MTHFD1L: variants seen among roughly 807,000 people sequenced by gnomAD.
MTHFD1L encodes the protein methylenetetrahydrofolate dehydrogenase (NADP+ dependent) 1 like, also known as monofunctional C1-tetrahydrofolate synthase, mitochondrial.
A neutral mutation model predicts 119.5 loss-of-function variants in MTHFD1L; 81 were observed. The ratio of observed to expected loss-of-function variants is 0.68; its 90% CI spans 0.57 to 0.82. The LOEUF is 0.82. Ranked by LOEUF, MTHFD1L falls within the 40% of genes least tolerant of loss-of-function variation. The pLI, the probability that MTHFD1L is intolerant of heterozygous loss-of-function variation, is 0.00. For synonymous variants in MTHFD1L, 430 were observed against 475.2 expected (o/e 0.90, Z 1.24); for missense variants, 1,125 against 1,253.4 (o/e 0.90, Z 1.55).
At chr6:150,911,168 A>G (rs909585896) in intron 8 of MTHFD1L, among the ~76,000 whole-genome samples, 1 of 152,170 alleles carries the variant, frequency 6.6e-6, no homozygotes, top group East Asian at 1.9e-4. Context: ...TTTTAAAAAA[A>G]GTAAAGGTTC....
intron 24 of MTHFD1L, among the ~76,000 whole-genome samples, chr6:151,015,974 C>G (rs962208442): frequency 3.3e-5 from 5 of 152,124 alleles, no homozygotes; most frequent in African/African-American, 1.2e-4. Context: ...ATAGTCCCAG[C>G]TACTCGGGAG....
chr6:151,089,820 C>A (rs1274151839), intron 26 of MTHFD1L, among the ~76,000 whole-genome samples: 1 of 152,202 alleles, frequency 6.6e-6, no homozygotes, highest in Non-Finnish European at 1.5e-5. Flanking sequence ...ACTGTAGTAA[C>A]CAGAGGAAAA....
At chr6:151,090,554 G>T (rs1305209067) in intron 26 of MTHFD1L, among the ~76,000 whole-genome samples, 1 of 151,100 alleles carries the variant, frequency 6.6e-6, no homozygotes, top group African/African-American at 2.5e-5. Context: ...GGGAGGAGAG[G>T]CTGGTGAAGA....
At chr6:150,923,478 CGAG>C (rs1400244325) in intron 10 of MTHFD1L, among the ~76,000 whole-genome samples, 4 of 147,210 alleles carry the variant, frequency 2.7e-5, no homozygotes, top group Admixed American at 2.1e-4. Context: ...CACACAGTGC[CGAG>C]GAGATAAAAT....
At chr6:150,866,220 G>A in intron 1 of MTHFD1L, 171 bp downstream of exon 1, 1 of 1,376,588 alleles carries the variant, frequency 7.3e-7, no homozygotes, top group Non-Finnish European at 9.4e-7. Flanking sequence ...GGGCACTGCG[G>A]CCGGGAGCGC....
chr6:151,081,896 C>G lies in MTHFD1L; in HGVS notation c.2848-10571C>G, dbSNP rs139045594. Reference sequence around the variant, plus strand: ...CAGATCGGCTGAGTGAAAGCACTGTCCATCCTCCCCACCCCTTCCTTCCTG... The same window carrying G: ...CAGATCGGCTGAGTGAAAGCACTGTGCATCCTCCCCACCCCTTCCTTCCTG... On this transcript the variant is annotated intron_variant, in intron 26 of 27. Transcript: ENST00000367321. 1.7e-3 allele frequency among the ~76,000 whole-genome samples: 253 copies of G among 152,178 alleles called. 3 individuals are homozygous for G. Among genetic ancestry groups the G allele is most frequent in the African/African-American group, 5.6e-3 (233 of 41,526 alleles).
In MTHFD1L at chr6:151,037,129, A is replaced by T; in HGVS notation, c.2847+12A>T. 1 of 1,611,632 alleles carries T rather than the reference A, an allele frequency of 6.2e-7. No homozygotes were observed. The highest frequency in any genetic ancestry group is 8.5e-7 in the Non-Finnish European group (1 of 1,179,520). The stretch of plus-strand genomic sequence containing the variant: ...CTTTGGTCGGAACGGTGAGTGAGTC[A>T]CATTTTCCAAAAACCCTCCCCATTC... On this transcript the variant is annotated intron_variant, in intron 26 of 27. Coordinates refer to ENST00000367321, the MANE Select transcript of MTHFD1L (RefSeq NM_015440.5).
rs76827247 is a variant in MTHFD1L at position 150,876,577 on chromosome 6, T to C, written c.312+403T>C. Among the ~76,000 whole-genome samples, 1,058 of 152,378 alleles carry C rather than the reference T, an allele frequency of 6.9e-3. 7 individuals carry two copies. Among genetic ancestry groups the C allele is most frequent in the East Asian group, 0.036 (188 of 5,192 alleles). ...TGGATATTTGGTAATCTTTTTACTC[T>C]ATCTTTTAAAACCTGCCATAAACTT... On this transcript the variant is annotated intron_variant, in intron 2 of 27. Transcript: ENST00000367321.
intron 24 of MTHFD1L, among the ~76,000 whole-genome samples, chr6:151,017,507 C>T (rs1042579305): frequency 1.3e-5 from 2 of 152,060 alleles, no homozygotes; most frequent in African/African-American, 4.8e-5. Context: ...CCACCACGCC[C>T]AGCTAATTTT....
In MTHFD1L at chr6:151,014,979, A is replaced by C. The variant is rs748973240; in HGVS notation, c.2407A>C (p.Lys803Gln). 1.5e-5 allele frequency: 24 copies of C among 1,613,652 alleles called. No homozygotes were observed. The highest frequency in any genetic ancestry group is 1.9e-5 in the Non-Finnish European group (23 of 1,179,656). Residue 803 changes from lysine to glutamine, a missense_variant and splice_region_variant, in exon 23 of 28, where the codon AAG (lysine) becomes CAG (glutamine). Lys to Gln is a moderately conservative substitution (Grantham distance 53). Transcript: ENST00000367321. ...VPVVVALNVF[K>Q]TDTRAEIDLV... ...CGTTGTGGTGGCTCTGAATGTCTTC[A>C]AGTAAGTCCAGCCTCCTCCTTTAAA...
chr6:150,989,417 G>A (rs517168), intron 20 of MTHFD1L, among the ~76,000 whole-genome samples: 81,358 of 151,440 alleles, frequency 0.54, 22,947 homozygotes, highest in African/African-American at 0.7. Flanking sequence ...TCTGAAGCAT[G>A]AATAAGAACA....
At chr6:151,100,718 T>C (rs577816933) in intron 27 of MTHFD1L, among the ~76,000 whole-genome samples, 5 of 152,076 alleles carry the variant, frequency 3.3e-5, no homozygotes, top group Admixed American at 3.3e-4. Context: ...TGAATCTTAA[T>C]AGCCTTTGGG....
chr6:151,021,358 G>GGAA (rs1783920852), intron 24 of MTHFD1L, among the ~76,000 whole-genome samples: 1 of 152,088 alleles, frequency 6.6e-6, no homozygotes, highest in Non-Finnish European at 1.5e-5. Flanking sequence ...GACCAGCCTG[G>GGAA]GAAACATGGT....
intron 19 of MTHFD1L, among the ~76,000 whole-genome samples, chr6:150,968,845 TC>T (rs1797615817): frequency 2.2e-5 from 3 of 135,596 alleles, no homozygotes; most frequent in African/African-American, 8.3e-5. Flanking sequence ...TTTAAATAAT[TC>T]TTTTTTTTTT....
chr6:151,099,597 G>T, intron 27 of MTHFD1L: 1 of 1,610,042 alleles, frequency 6.2e-7, no homozygotes, highest in East Asian at 2.2e-5. Flanking sequence ...TCCGGCACCA[G>T]TCAGACCATT....
chr6:150,981,260 C>T (rs1032626744), intron 20 of MTHFD1L, among the ~76,000 whole-genome samples: 2 of 152,116 alleles, frequency 1.3e-5, no homozygotes, highest in African/African-American at 4.8e-5. Flanking sequence ...TGCTGCGGTA[C>T]CTGCCAAAAA....
chr6:150,900,193 C>T (rs529556991), intron 7 of MTHFD1L, among the ~76,000 whole-genome samples: 44 of 151,936 alleles, frequency 2.9e-4, no homozygotes, highest in Middle Eastern at 3.4e-3. Flanking sequence ...TCCTAATTGC[C>T]AAAAGTGAGT....
At chr6:150,990,693 C>T (rs183359552) in intron 20 of MTHFD1L, among the ~76,000 whole-genome samples, 50 of 152,254 alleles carry the variant, frequency 3.3e-4, no homozygotes, top group African/African-American at 1.1e-3. Context: ...AACTCCCAAC[C>T]TCAGGTGATC....
intron 26 of MTHFD1L, among the ~76,000 whole-genome samples, chr6:151,062,784 A>G (rs904425099): frequency 5.9e-5 from 9 of 152,140 alleles, no homozygotes; most frequent in Admixed American, 3.3e-4. Flanking sequence ...TTTGGATTTC[A>G]TTCTTGGATG....
Sources: allele counts gnomAD v4.1 joint callset (sites outside exome capture counted in the v4.1 genomes callset), GRCh38; gene constraint gnomAD v4.1.1; transcripts MANE v1.5; gene names NCBI Gene and HGNC (gene_info 2026-07-23, HGNC 2026-07-21).